Variants in ASB15 observed in about 807,000 individuals in gnomAD.
ASB15 encodes ankyrin repeat and SOCS box containing 15.
ASB15 carries 54 observed loss-of-function variants against 58.0 expected under a neutral mutation model. That is an observed-to-expected ratio of 0.93 (90% CI 0.75 to 1.17). The LOEUF is 1.17. ASB15 is among the 50% of genes most tolerant of loss of function. ASB15 has a pLI of 0.00. For missense variants in ASB15, 680 were observed against 707.4 expected (o/e 0.96, Z 0.44); for synonymous variants, 249 against 262.4 (o/e 0.95, Z 0.50).
rs188535384 is a variant in ASB15, at chr7:123,581,032, C to T, written c.-443+13944C>T. Reference sequence around the variant, plus strand: ...GTGACTCTCCTTCCACTAGATGGTGCTGGCTTTCTTCAGCTTGTTGCAGTA... The same window carrying T: ...GTGACTCTCCTTCCACTAGATGGTGTTGGCTTTCTTCAGCTTGTTGCAGTA... On this transcript the variant is annotated intron_variant, in intron 1 of 13. Transcript: ENST00000451558. Among the ~76,000 whole-genome samples, 82 of 152,050 alleles carry T rather than the reference C, an allele frequency of 5.4e-4. 1 individual carries two copies. In the Middle Eastern group the frequency reaches 0.014, roughly 25 times the overall value.
chr7:123,586,943 ATCTTTG>A (rs150431785), intron 1 of ASB15, among the ~76,000 whole-genome samples: 3,938 of 151,662 alleles, frequency 0.026, 160 homozygotes, highest in African/African-American at 0.09. Context: ...TGTTTACTAT[ATCTTTG>A]TCTTTGTATT....
chr7:123,614,857 A>G (rs1800696933), intron 4 of ASB15, among the ~76,000 whole-genome samples: 1 of 152,224 alleles, frequency 6.6e-6, no homozygotes, highest in Non-Finnish European at 1.5e-5. Flanking sequence ...ATTTGGTTGT[A>G]TAGAATTGCC....
intron 1 of ASB15, among the ~76,000 whole-genome samples, chr7:123,596,810 A>G (rs1229391831): frequency 1.3e-5 from 2 of 152,194 alleles, no homozygotes; most frequent in Non-Finnish European, 2.9e-5. Flanking sequence ...CAAAACACAA[A>G]TGCACATGAA....
intron 1 of ASB15, among the ~76,000 whole-genome samples, chr7:123,568,562 A>T (rs1268197603): frequency 1.3e-5 from 2 of 151,590 alleles, no homozygotes; most frequent in African/African-American, 4.8e-5. Flanking sequence ...CTATGGGAGG[A>T]TTGAATATTA....
At chr7:123,633,138 C>T (rs1445682891) in intron 11 of ASB15, among the ~76,000 whole-genome samples, 1 of 152,130 alleles carries the variant, frequency 6.6e-6, no homozygotes, top group South Asian at 2.1e-4. Context: ...AAATGATTAG[C>T]GAGATATCAC....
chr7:123,607,114 T>C (rs1800184597), intron 2 of ASB15, among the ~76,000 whole-genome samples: 1 of 152,216 alleles, frequency 6.6e-6, no homozygotes, highest in African/African-American at 2.4e-5. Context: ...GTGGTGAATA[T>C]TTCACAATGT....
chr7:123,612,833 G>A (rs975485321), intron 3 of ASB15, among the ~76,000 whole-genome samples: 2 of 152,100 alleles, frequency 1.3e-5, no homozygotes, highest in Admixed American at 6.5e-5. Flanking sequence ...TGGAGATGAC[G>A]CTTCTCTTGG....
At chr7:123,593,686 C>T (rs1799612287) in intron 1 of ASB15, among the ~76,000 whole-genome samples, 1 of 152,110 alleles carries the variant, frequency 6.6e-6, no homozygotes, top group Non-Finnish European at 1.5e-5. Context: ...GGTAACCTGA[C>T]CTTTCTCTCT....
Position 123,601,835 on chromosome 7 carries a change from A to G in ASB15, c.-324A>G, listed in dbSNP as rs1799896006. Reference sequence around the variant, plus strand: ...TACTTAATTTTAGATACACAGAAGCACACATTGGCTCCAGGGCACTTCCTC... The same window carrying G: ...TACTTAATTTTAGATACACAGAAGCGCACATTGGCTCCAGGGCACTTCCTC... On this transcript the variant is annotated 5_prime_UTR_variant, in exon 1 of 12. Transcript: ENST00000451215. 1 of 152,172 alleles carries G rather than the reference A, an allele frequency of 6.6e-6. No homozygotes were observed. Among genetic ancestry groups the G allele is most frequent in the African/African-American group, 2.4e-5 (1 of 41,438 alleles). The allele number at this position is 152,172 out of a possible 1,614,324, so 9.4% of individuals were successfully genotyped here.
intron 1 of ASB15, among the ~76,000 whole-genome samples, chr7:123,594,749 A>C (rs1454089324): frequency 6.6e-6 from 1 of 152,122 alleles, no homozygotes; most frequent in Non-Finnish European, 1.5e-5. Context: ...TCAGGGACCC[A>C]CTTAAGGAGG....
At chr7:123,579,515 G>A (rs1434921529) in intron 1 of ASB15, among the ~76,000 whole-genome samples, 1 of 152,026 alleles carries the variant, frequency 6.6e-6, no homozygotes, top group Non-Finnish European at 1.5e-5. Context: ...ATACCATGAA[G>A]AGTTGTTCTG....
At position 123,582,799 on chromosome 7, in the gene ASB15, C is replaced by T. The variant is rs150146468; in HGVS notation, c.-443+15711C>T. 1.9e-3 allele frequency among the ~76,000 whole-genome samples: 294 copies of T among 152,038 alleles called. 2 individuals are homozygous for T. Among genetic ancestry groups the T allele is most frequent in the African/African-American group, 6.8e-3 (281 of 41,516 alleles). On this transcript the variant is annotated intron_variant, in intron 1 of 13. Transcript: ENST00000451558. ...CTCCACTGACTGAGAGTAAGAACTG[C>T]CTTCTTTAACATTTTCATTGCACCA...
intron 8 of ASB15, among the ~76,000 whole-genome samples, chr7:123,625,920 G>A (rs912770191): frequency 6.6e-6 from 1 of 152,210 alleles, no homozygotes; most frequent in African/African-American, 2.4e-5. Flanking sequence ...GAAGTAAGCT[G>A]TATTAATCAT....
At chr7:123,614,112 T>A in intron 3 of ASB15, 1 of 168,628 alleles carries the variant, frequency 5.9e-6, no homozygotes, top group Non-Finnish European at 1.2e-5. Flanking sequence ...TTACCCTCAT[T>A]GGATCAATTT....
At chr7:123,585,529 G>T (rs1314141342) in intron 1 of ASB15, among the ~76,000 whole-genome samples, 1 of 151,758 alleles carries the variant, frequency 6.6e-6, no homozygotes, top group African/African-American at 2.4e-5. Flanking sequence ...AATAAAACGT[G>T]TATATACATA....
chr7:123,593,153 G>A lies in ASB15; in HGVS notation c.-442-10879G>A, dbSNP rs1175040876. On this transcript the variant is annotated intron_variant, in intron 1 of 13. Transcript: ENST00000451558. Reference sequence around the variant, plus strand: ...ATCTTACTCCAACCCTTTATTTTGAGCCTATGTGTGTCTTTGCATGTGAGA... The same window carrying A: ...ATCTTACTCCAACCCTTTATTTTGAACCTATGTGTGTCTTTGCATGTGAGA... Among the ~76,000 whole-genome samples, 6 of 151,960 alleles carry A rather than the reference G, an allele frequency of 3.9e-5. No homozygotes were observed. The South Asian group carries it at 6.2e-4, about 16-fold the overall frequency.
chr7:123,593,709 C>T (rs1216341918), intron 1 of ASB15, among the ~76,000 whole-genome samples: 1 of 152,150 alleles, frequency 6.6e-6, no homozygotes, highest in Non-Finnish European at 1.5e-5. Flanking sequence ...CTGCCCTTAA[C>T]ATTTTTTCCT....
At chr7:123,636,734 T>G in intron 11 of ASB15, 75 bp from the exon 12 acceptor site, 1 of 1,260,512 alleles carries the variant, frequency 7.9e-7, no homozygotes, top group Admixed American at 2.1e-5. Context: ...CTCATGTTAT[T>G]CTGAAACAGT....
At chr7:123,581,892 A>C (rs805790) in intron 1 of ASB15, among the ~76,000 whole-genome samples, 1 of 151,908 alleles carries the variant, frequency 6.6e-6, no homozygotes, top group Non-Finnish European at 1.5e-5. Context: ...CAAACCATTT[A>C]AAACTATATA....
Sources: gnomAD v4.1 joint callset for allele counts (sites outside exome capture counted in the v4.1 genomes callset) on GRCh38, gnomAD v4.1.1 for gene constraint, MANE v1.5 for transcripts, NCBI Gene and HGNC (gene_info 2026-07-23, HGNC 2026-07-21) for gene names.